SPAG11B: variants seen among roughly 807,000 people sequenced by gnomAD.
SPAG11B encodes sperm associated antigen 11B.
A neutral mutation model predicts 8.9 loss-of-function variants in SPAG11B; 5 were observed. The ratio of observed to expected loss-of-function variants is 0.56; its 90% CI spans 0.29 to 1.19. The LOEUF (loss-of-function observed/expected upper bound fraction) is 1.19. Ranked by LOEUF, SPAG11B falls within the 50% of genes most tolerant of loss-of-function variation. The pLI is 0.08. For missense variants in SPAG11B, 38 were observed against 146.4 expected (o/e 0.26, Z 3.82); for synonymous variants, 12 against 53.0 (o/e 0.23, Z 3.36).
rs1195747893 is a variant in SPAG11B at position 7,451,032 on chromosome 8, G to T, written c.215-132C>A. The T allele has an allele frequency of 5.3e-6, 8 of 1,508,836 alleles. 1 individual carries two copies. In the Admixed American group the frequency reaches 8.3e-5, roughly 16 times the overall value. The allele number at this position is 1,508,836 out of a possible 1,614,324, so 93.5% of individuals were successfully genotyped here. A position where few individuals can be genotyped will look rare whatever the true frequency, so the allele number is the denominator to read the frequency against. On this transcript the variant is annotated intron_variant, in intron 2 of 2. Transcript: ENST00000398462. ...CTTTTGGACAAGCCCCAGTTTAACC[G>T]AACTTTGGCCTCTTAGCTTTAAAAC...
chr8:7,457,810 AG>A (rs1810532372), intron 2 of SPAG11B, among the ~76,000 whole-genome samples: 1 of 133,030 alleles, frequency 7.5e-6, no homozygotes, highest in African/African-American at 2.9e-5. Flanking sequence ...CGTGGGTATC[AG>A]CCCCGTGTGA....
intron 2 of SPAG11B, among the ~76,000 whole-genome samples, chr8:7,453,737 G>A (rs1810330764): frequency 6.7e-6 from 1 of 148,452 alleles, no homozygotes; most frequent in South Asian, 2.1e-4. Flanking sequence ...ATCTCAAAGA[G>A]GCAGGGGCTG....
Position 7,459,429 on chromosome 8 carries a change from A to G in SPAG11B, c.214+3278T>C, listed in dbSNP as rs1357960263. Among the ~76,000 whole-genome samples, 226 of 145,108 alleles carry G rather than the reference A, an allele frequency of 1.6e-3. 1 individual carries two copies. Among genetic ancestry groups the G allele is most frequent in the African/African-American group, 5.5e-3 (216 of 39,520 alleles). On this transcript the variant is annotated intron_variant, in intron 2 of 2. Transcript: ENST00000398462. ...ATACCAAAGAAATATCAACACACAG[A>G]TCGGTTCTTTCTGAGAGAAAACCAT...
chr8:7,453,143 G>A (rs1187086288), intron 2 of SPAG11B, among the ~76,000 whole-genome samples: 3 of 143,344 alleles, frequency 2.1e-5, no homozygotes, highest in African/African-American at 8.3e-5. Context: ...GCAACCACAG[G>A]GCTGTGTCAT....
At chr8:7,457,175 A>T (rs1425863764) in intron 2 of SPAG11B, among the ~76,000 whole-genome samples, 1 of 150,260 alleles carries the variant, frequency 6.7e-6, no homozygotes, top group African/African-American at 2.5e-5. Flanking sequence ...GCGCTTTCTT[A>T]TGTTAACTCT....
intron 2 of SPAG11B, 195 bp from the exon 3 acceptor site, chr8:7,451,095 A>T (rs1289167529): frequency 6.5e-7 from 1 of 1,531,912 alleles, no homozygotes; most frequent in African/African-American, 1.5e-5. Flanking sequence ...TGCCAGGAGG[A>T]TGATAGGGTG....
chr8:7,451,816 C>A (rs1810199985), intron 2 of SPAG11B, among the ~76,000 whole-genome samples: 1 of 151,778 alleles, frequency 6.6e-6, no homozygotes, highest in African/African-American at 2.4e-5. Flanking sequence ...GTTCTATGTG[C>A]AAGCAGGGGG....
intron 2 of SPAG11B, among the ~76,000 whole-genome samples, chr8:7,453,854 T>A (rs147627125): frequency 1.4e-5 from 2 of 144,754 alleles, no homozygotes; most frequent in African/African-American, 2.8e-5. Flanking sequence ...AAATCACCTT[T>A]GAAGTTAAGA....
In SPAG11B at chr8:7,453,773, C is replaced by T. The variant is rs536464990; in HGVS notation, c.215-2873G>A. 9.4e-5 allele frequency among the ~76,000 whole-genome samples: 14 copies of T among 148,160 alleles called. No homozygotes were observed. In the South Asian group the frequency reaches 2.7e-3, roughly 29 times the overall value. On this transcript the variant is annotated intron_variant, in intron 2 of 2. Coordinates refer to ENST00000398462, the MANE Select transcript of SPAG11B (RefSeq NM_058201.4). ...GGTGTTCATTTTGAACTTTCCACCT[C>T]TGGAGAGATTAAGCAGGACAATGTG...
At chr8:7,448,782 TCCTCCCCTTC>T (rs932561308), downstream of SPAG11B, among the ~76,000 whole-genome samples, 8 of 80,456 alleles carry the variant, frequency 9.9e-5, no homozygotes, top group African/African-American at 2.9e-4. Context: ...CCTTCCCCTC[TCCTCCCCTTC>T]CCTTCCCTTC....
intron 2 of SPAG11B, among the ~76,000 whole-genome samples, chr8:7,462,503 G>A (rs1810719176): frequency 2.0e-5 from 3 of 151,700 alleles, no homozygotes; most frequent in South Asian, 2.1e-4. Flanking sequence ...GTTCCACAAG[G>A]CCCTCAATGA....
downstream of SPAG11B, among the ~76,000 whole-genome samples, chr8:7,449,857 A>G (rs894851166): frequency 2.2e-5 from 3 of 139,350 alleles, no homozygotes; most frequent in Non-Finnish European, 3.1e-5. Flanking sequence ...TGTGGTCTCT[A>G]TCTCTCAGCA....
At chr8:7,453,848 C>T (rs1810338636) in intron 2 of SPAG11B, among the ~76,000 whole-genome samples, 4 of 149,098 alleles carry the variant, frequency 2.7e-5, no homozygotes, top group Admixed American at 2.7e-4. Flanking sequence ...CTTGCAAAAT[C>T]ACCTTTGAAG....
downstream of SPAG11B, among the ~76,000 whole-genome samples, chr8:7,448,293 A>G (rs9772875): frequency 0.095 from 5,473 of 57,570 alleles, 18 homozygotes; most frequent in South Asian, 0.16. Flanking sequence ...CAGCTTCAGA[A>G]CAAGTGGTCA....
At chr8:7,453,677 A>G (rs1191670389) in intron 2 of SPAG11B, among the ~76,000 whole-genome samples, 6 of 150,056 alleles carry the variant, frequency 4.0e-5, no homozygotes, top group African/African-American at 1.5e-4. Flanking sequence ...TTTGAAAAAG[A>G]GACATCAAGC....
chr8:7,448,301 TCAAAA>T (rs1809924874), downstream of SPAG11B, among the ~76,000 whole-genome samples: 1 of 15,302 alleles, frequency 6.5e-5, no homozygotes, highest in Non-Finnish European at 1.2e-4. Flanking sequence ...GAACAAGTGG[TCAAAA>T]AAAAAAAAAA....
downstream of SPAG11B, among the ~76,000 whole-genome samples, chr8:7,448,752 G>C (rs1374241894): frequency 3.2e-5 from 4 of 124,442 alleles, no homozygotes; most frequent in Non-Finnish European, 7.1e-5. Context: ...AGCCTGCACC[G>C]CCTTCCCTCC....
chr8:7,459,033 T>C (rs1326821809), intron 2 of SPAG11B, among the ~76,000 whole-genome samples: 1 of 92,654 alleles, frequency 1.1e-5, no homozygotes, highest in Non-Finnish European at 1.9e-5. Context: ...ACCTCGTCTC[T>C]ACTAAAAATA....
chr8:7,458,172 AC>A (rs1177560477), intron 2 of SPAG11B, among the ~76,000 whole-genome samples: 1 of 135,096 alleles, frequency 7.4e-6, no homozygotes, highest in Non-Finnish European at 1.6e-5. Flanking sequence ...AATAATGATC[AC>A]TGATGAAGAT....
Sources: allele counts gnomAD v4.1 joint callset (sites outside exome capture counted in the v4.1 genomes callset), GRCh38; gene constraint gnomAD v4.1.1; transcripts MANE v1.5; gene names NCBI Gene and HGNC (gene_info 2026-07-23, HGNC 2026-07-21).